Variants in ZPBP observed in about 807,000 individuals in gnomAD.
The protein encoded by ZPBP is zona pellucida binding protein.
In ZPBP, 26 loss-of-function variants were observed where a neutral mutation model predicts 44.8. The observed-to-expected ratio is 0.58, with a 90% CI of 0.43 to 0.81. The LOEUF (loss-of-function observed/expected upper bound fraction) is 0.81. ZPBP is among the 30% of genes least tolerant of loss of function. The pLI, the probability that ZPBP is intolerant of heterozygous loss-of-function variation, is 0.00. For missense variants in ZPBP, 409 were observed against 434.0 expected (o/e 0.94, Z 0.51); for synonymous variants, 174 against 153.2 (o/e 1.14, Z -1.00).
chr7:49,870,507 A>G (rs992321985), intron 2 of ZPBP, among the ~76,000 whole-genome samples: 6 of 152,250 alleles, frequency 3.9e-5, no homozygotes. Flanking sequence ...TCTTTTTCTG[A>G]ATATAAAACT....
chr7:50,048,348 T>G (rs571708133), intron 4 of ZPBP, among the ~76,000 whole-genome samples: 34 of 152,148 alleles, frequency 2.2e-4, no homozygotes, highest in African/African-American at 7.9e-4. Flanking sequence ...ATAGAAGACC[T>G]GAACAACACT....
At chr7:50,087,002 T>A (rs1265956973) in intron 2 of ZPBP, among the ~76,000 whole-genome samples, 1 of 152,028 alleles carries the variant, frequency 6.6e-6, no homozygotes, top group East Asian at 1.9e-4. Context: ...TAAAAAGTCA[T>A]AATGAAATAG....
chr7:49,960,076 A>T (rs947402103), intron 7 of ZPBP, among the ~76,000 whole-genome samples: 2 of 152,162 alleles, frequency 1.3e-5, no homozygotes, highest in African/African-American at 4.8e-5. Flanking sequence ...AAACAGAAAA[A>T]TCAACTCAAA....
At chr7:50,005,883 T>C (rs988994858) in intron 6 of ZPBP, among the ~76,000 whole-genome samples, 4 of 150,674 alleles carry the variant, frequency 2.7e-5, no homozygotes, top group African/African-American at 4.9e-5. Flanking sequence ...CCTACATTAA[T>C]ATCAGGTTCT....
chr7:49,984,837 A>G (rs747799301), intron 6 of ZPBP, among the ~76,000 whole-genome samples: 1 of 152,180 alleles, frequency 6.6e-6, no homozygotes, highest in African/African-American at 2.4e-5. Context: ...CATTTTATAT[A>G]TATGCAAATA....
chr7:49,892,473 T>C (rs1316504130), intron 2 of ZPBP, among the ~76,000 whole-genome samples: 1 of 152,216 alleles, frequency 6.6e-6, no homozygotes, highest in Non-Finnish European at 1.5e-5. Flanking sequence ...TACAGGGGTA[T>C]ATACATTATG....
intron 1 of ZPBP, among the ~76,000 whole-genome samples, chr7:49,908,908 T>C (rs1224070768): frequency 1.3e-5 from 2 of 152,204 alleles, no homozygotes; most frequent in African/African-American, 4.8e-5. Context: ...TTTTATATTC[T>C]ACAGTAAAAT....
intron 2 of ZPBP, among the ~76,000 whole-genome samples, chr7:49,895,569 A>G (rs1163400320): frequency 5.3e-5 from 8 of 152,214 alleles, no homozygotes; most frequent in Admixed American, 5.2e-4. Context: ...ATTATATCCT[A>G]TAGCAATTTC....
chr7:49,889,798 G>T (rs1167275092), intron 2 of ZPBP, among the ~76,000 whole-genome samples: 7 of 152,238 alleles, frequency 4.6e-5, no homozygotes, highest in African/African-American at 1.2e-4. Context: ...AATTCAAATA[G>T]TCCAAGTTGG....
intron 6 of ZPBP, among the ~76,000 whole-genome samples, chr7:50,008,142 A>T (rs1440864872): frequency 6.6e-6 from 1 of 152,096 alleles, no homozygotes; most frequent in Admixed American, 6.5e-5. Context: ...ACACCAAAAA[A>T]CATAACAACA....
At chr7:49,969,596 G>T (rs369085050) in intron 7 of ZPBP, among the ~76,000 whole-genome samples, 4 of 151,150 alleles carry the variant, frequency 2.6e-5, no homozygotes, top group East Asian at 3.9e-4. Context: ...AATTTAAGGT[G>T]GCTGGCATAA....
intron 7 of ZPBP, among the ~76,000 whole-genome samples, chr7:49,970,466 C>CTTTTTTTTTTTTTTTTTTTTTTTTT: frequency 1.2e-5 from 1 of 85,200 alleles, no homozygotes; most frequent in Non-Finnish European, 2.2e-5. Context: ...GCTGAATATA[C>CTTTTTTTTTTTTTTTTTTTTTTTTT]TTTTTTTTTT....
intron 6 of ZPBP, among the ~76,000 whole-genome samples, chr7:49,999,878 C>T (rs1216388887): frequency 6.6e-6 from 1 of 152,150 alleles, no homozygotes; most frequent in Non-Finnish European, 1.5e-5. Context: ...CCCTTTAGCC[C>T]AGTCAAGTTG....
intron 7 of ZPBP, among the ~76,000 whole-genome samples, chr7:49,982,470 A>C (rs1187075396): frequency 6.7e-6 from 1 of 148,252 alleles, no homozygotes; most frequent in East Asian, 1.9e-4. Context: ...CCTGTGTACT[A>C]TATTTTTGTG....
At chr7:50,000,608 A>G (rs541695250) in intron 6 of ZPBP, among the ~76,000 whole-genome samples, 58 of 152,300 alleles carry the variant, frequency 3.8e-4, no homozygotes, top group African/African-American at 1.2e-3. Flanking sequence ...AAACTTCTTT[A>G]TACCCATCTC....
At chr7:49,901,734 C>T (rs142770163) in intron 1 of ZPBP, among the ~76,000 whole-genome samples, 7 of 151,686 alleles carry the variant, frequency 4.6e-5, no homozygotes, top group East Asian at 1.9e-4. Context: ...ATAGCCAACA[C>T]GATATTGAAA....
intron 2 of ZPBP, among the ~76,000 whole-genome samples, chr7:49,863,296 C>T (rs755091878): frequency 6.6e-6 from 1 of 152,158 alleles, no homozygotes. Flanking sequence ...TTTCTGTGAG[C>T]TCCCACTTTC....
intron 5 of ZPBP, among the ~76,000 whole-genome samples, chr7:50,024,512 T>A (rs1017710143): frequency 1.4e-5 from 2 of 141,130 alleles, no homozygotes; most frequent in Admixed American, 7.1e-5. Flanking sequence ...AAAAGGAGAT[T>A]CTGCCATTTG....
intron 6 of ZPBP, among the ~76,000 whole-genome samples, chr7:50,012,037 G>GAA (rs1176997476): frequency 1.2e-5 from 1 of 86,508 alleles, no homozygotes; most frequent in Non-Finnish European, 2.6e-5. Flanking sequence ...TCTCAAAAAA[G>GAA]AAAAAAAAAA....
Sources: allele counts gnomAD v4.1 joint callset (sites outside exome capture counted in the v4.1 genomes callset), GRCh38; gene constraint gnomAD v4.1.1; transcripts MANE v1.5; gene names NCBI Gene and HGNC (gene_info 2026-07-23, HGNC 2026-07-21).